AMBRA1: variants seen among roughly 807,000 people sequenced by gnomAD.
The protein encoded by AMBRA1 is activating molecule in BECN1-regulated autophagy protein 1.
A neutral mutation model predicts 125.4 loss-of-function variants in AMBRA1; 47 were observed. The ratio of observed to expected loss-of-function variants is 0.37; its 90% CI spans 0.30 to 0.48. The LOEUF (loss-of-function observed/expected upper bound fraction) is 0.48. AMBRA1 is among the 20% of genes least tolerant of loss of function. The pLI is 0.99. For missense variants in AMBRA1, 1,331 were observed against 1,693.4 expected (o/e 0.79, Z 3.76); for synonymous variants, 626 against 655.5 (o/e 0.95, Z 0.69).
chr11:46,547,318 C>A, intron 3 of AMBRA1, 22 bp from the exon 4 acceptor site: 1 of 1,587,422 alleles, frequency 6.3e-7, no homozygotes, highest in Non-Finnish European at 8.6e-7. Flanking sequence ...AAGAGTAGAA[C>A]TGAATTCAGA....
At chr11:46,580,525 C>T (rs1591181425) in intron 1 of AMBRA1, among the ~76,000 whole-genome samples, 1 of 152,196 alleles carries the variant, frequency 6.6e-6, no homozygotes, top group Admixed American at 6.6e-5. Context: ...GAAACACCAC[C>T]TTCATCTACC....
At chr11:46,586,500 G>C (rs1315477176) in intron 1 of AMBRA1, among the ~76,000 whole-genome samples, 1 of 151,950 alleles carries the variant, frequency 6.6e-6, no homozygotes, top group Non-Finnish European at 1.5e-5. Flanking sequence ...TTATTTTGAA[G>C]GGTACTGTGG....
At chr11:46,574,424 G>A (rs866585652) in intron 1 of AMBRA1, among the ~76,000 whole-genome samples, 18 of 151,812 alleles carry the variant, frequency 1.2e-4, no homozygotes, top group Admixed American at 1.0e-3. Context: ...CAGTGATGAT[G>A]AGCATTTTTT....
rs367829480 is a variant in AMBRA1, at chr11:46,517,597, G to C, written c.2073-4784C>G. Reference sequence around the variant, plus strand: ...CGCCTGTAATCCCAGCACTTTGGGAGGCTGAGGCAGGTGGATCACGAGGTC... The same window carrying C: ...CGCCTGTAATCCCAGCACTTTGGGACGCTGAGGCAGGTGGATCACGAGGTC... On this transcript the variant is annotated intron_variant, in intron 7 of 17. Transcript: ENST00000683756. Among the ~76,000 whole-genome samples, 6 of 147,770 alleles carry C rather than the reference G, an allele frequency of 4.1e-5. No individual in the cohort carries two copies. In the East Asian group the frequency reaches 1.0e-3, roughly 25 times the overall value.
intron 11 of AMBRA1, among the ~76,000 whole-genome samples, chr11:46,478,636 T>C (rs2136910316): frequency 6.9e-6 from 1 of 144,224 alleles, no homozygotes; most frequent in East Asian, 2.1e-4. Flanking sequence ...TTCTTGTTTT[T>C]TTCTTTTTTC....
chr11:46,436,048 T>C (rs1351258810), intron 12 of AMBRA1, among the ~76,000 whole-genome samples: 3 of 152,212 alleles, frequency 2.0e-5, no homozygotes, highest in Non-Finnish European at 4.4e-5. Context: ...CTTTGTCTCA[T>C]GTAGATATAC....
In AMBRA1 at chr11:46,547,192, C is replaced by T; in HGVS notation, c.299G>A (p.Cys100Tyr). The T allele has an allele frequency of 1.2e-6, 2 of 1,614,216 alleles. No individual in the cohort carries two copies. The highest frequency in any genetic ancestry group is 1.7e-6 in the Non-Finnish European group (2 of 1,180,030). Reference protein sequence around the residue: ...SLIGHRRTPWCVTFHPTISGL... With the variant: ...SLIGHRRTPWYVTFHPTISGL... ...TGAGATGGTGGGATGAAAAGTGACA[C>T]ACCATGGAGTACGGCGGTGTCCAAT... Residue 100 changes from cysteine to tyrosine, a missense_variant, in exon 4 of 18, where the codon TGT becomes TAT. Physicochemically the swap from Cys to Tyr is radical, Grantham distance 194. Coordinates refer to ENST00000683756, the MANE Select transcript of AMBRA1 (RefSeq NM_001387011.1).
intron 14 of AMBRA1, among the ~76,000 whole-genome samples, chr11:46,420,206 G>A (rs1946784682): frequency 6.6e-6 from 1 of 152,152 alleles, no homozygotes; most frequent in South Asian, 2.1e-4. Flanking sequence ...CCTTCCTGTA[G>A]GACTCAACTC....
intron 14 of AMBRA1, chr11:46,428,861 C>G: frequency 1.2e-6 from 2 of 1,611,728 alleles, no homozygotes; most frequent in Non-Finnish European, 1.7e-6. Context: ...CTCTGGACGG[C>G]TACGGCGTAG....
At chr11:46,535,819 G>C (rs1952449110) in intron 7 of AMBRA1, among the ~76,000 whole-genome samples, 1 of 152,206 alleles carries the variant, frequency 6.6e-6, no homozygotes, top group African/African-American at 2.4e-5. Flanking sequence ...TATGATGCCA[G>C]TGCTCTCGAG....
Position 46,542,384 on chromosome 11 carries a change from G to C in AMBRA1, c.1633C>G (p.Pro545Ala), listed in dbSNP as rs771074894. The C allele has an allele frequency of 1.2e-6, 2 of 1,614,082 alleles. No individual in the cohort carries two copies. Among genetic ancestry groups the C allele is most frequent in the South Asian group, 2.2e-5 (2 of 91,072 alleles). Reference protein sequence around the residue: ...NNNIESERPGPSHQPTPHSSE... With the variant: ...NNNIESERPGASHQPTPHSSE... ...CTGTGTGGGGTGGGCTGGTGGGAAG[G>C]GCCTGGCCTCTCAGATTCAATGTTA... The change falls in exon 7 of 18, where the codon CCT becomes GCT. Residue 545 changes from proline to alanine, a missense_variant. Pro to Ala is a conservative substitution (Grantham distance 27). Coordinates refer to ENST00000683756, the MANE Select transcript of AMBRA1 (RefSeq NM_001387011.1). This position sits in a 1 kb window ranked among gnomAD's most constrained non-coding sequence, Gnocchi z 5.9.
At chr11:46,588,748 T>C (rs1486270839) in intron 1 of AMBRA1, among the ~76,000 whole-genome samples, 1 of 149,786 alleles carries the variant, frequency 6.7e-6, no homozygotes, top group Admixed American at 6.7e-5. Context: ...GCACACCAGA[T>C]TGGGCAACAA....
chr11:46,581,557 G>T (rs1435958069), intron 1 of AMBRA1, among the ~76,000 whole-genome samples: 1 of 152,044 alleles, frequency 6.6e-6, no homozygotes, highest in Non-Finnish European at 1.5e-5. Flanking sequence ...AGCAAGCCGA[G>T]ATCGCACCAC....
intron 11 of AMBRA1, among the ~76,000 whole-genome samples, chr11:46,468,100 C>A (rs1459753592): frequency 6.6e-6 from 1 of 152,204 alleles, no homozygotes; most frequent in African/African-American, 2.4e-5. Context: ...ATATTGGAAA[C>A]CCTCACACAT....
chr11:46,515,570 G>T (rs1565239527), intron 7 of AMBRA1, among the ~76,000 whole-genome samples: 1 of 152,308 alleles, frequency 6.6e-6, no homozygotes, highest in East Asian at 1.9e-4. Flanking sequence ...ATCTGCTAAG[G>T]CAATGACAGT....
At chr11:46,537,570 G>A (rs1465778598) in intron 7 of AMBRA1, among the ~76,000 whole-genome samples, 4 of 152,180 alleles carry the variant, frequency 2.6e-5, no homozygotes, top group Non-Finnish European at 5.9e-5. Flanking sequence ...CTCCCACACA[G>A]AGAAATCATT....
At chr11:46,418,765 G>T (rs957418257) in intron 14 of AMBRA1, among the ~76,000 whole-genome samples, 2 of 152,130 alleles carry the variant, frequency 1.3e-5, no homozygotes, top group African/African-American at 4.8e-5. Flanking sequence ...AATACTAGGG[G>T]ACTCTATGGC....
chr11:46,408,054 T>C (rs1356842981), intron 17 of AMBRA1, among the ~76,000 whole-genome samples: 1 of 152,184 alleles, frequency 6.6e-6, no homozygotes, highest in Non-Finnish European at 1.5e-5. Context: ...TAGGCCAGGC[T>C]GCAGCCAAAA....
intron 9 of AMBRA1, among the ~76,000 whole-genome samples, chr11:46,501,835 G>C (rs1246500873): frequency 6.6e-6 from 1 of 152,172 alleles, no homozygotes; most frequent in Non-Finnish European, 1.5e-5. Context: ...TATGTCACAG[G>C]AACTTAACTC....
Sources: allele counts gnomAD v4.1 joint callset (sites outside exome capture counted in the v4.1 genomes callset), GRCh38; gene constraint gnomAD v4.1.1; non-coding constraint Gnocchi (gnomAD v3.1); transcripts MANE v1.5; gene names NCBI Gene and HGNC (gene_info 2026-07-23, HGNC 2026-07-21).